APBB1: variants seen among roughly 807,000 people sequenced by gnomAD.
APBB1 encodes adaptor protein FE65a2.
A neutral mutation model predicts 78.4 loss-of-function variants in APBB1; 22 were observed. The ratio of observed to expected loss-of-function variants is 0.28; its 90% CI spans 0.20 to 0.40. The LOEUF (loss-of-function observed/expected upper bound fraction) is 0.40, where lower values mean the gene tolerates loss of function less well. APBB1 is among the 10% of genes least tolerant of loss of function. The probability of loss-of-function intolerance (pLI) is 1.00; values close to 1 mark genes in which losing one functional copy is unlikely to be tolerated. For synonymous variants in APBB1, 369 were observed against 372.7 expected, an observed-to-expected ratio of 0.99 and a Z score of 0.12; for missense variants, 749 against 932.4, an observed-to-expected ratio of 0.80 and a Z score of 2.56.
chr11:6,415,564 C>T (rs934356847), intron 1 of APBB1, among the ~76,000 whole-genome samples: 4 of 152,126 alleles, frequency 2.6e-5, no homozygotes, highest in Admixed American at 1.3e-4. Context: ...ATTACAGGAA[C>T]CTGGGGCTTA....
Position 6,401,719 on chromosome 11 carries a change from C to T in APBB1, c.1389-31G>A, listed in dbSNP as rs1848522661. On this transcript the variant is annotated intron_variant, in intron 9 of 14. Coordinates refer to ENST00000609360, the MANE Select transcript of APBB1 (RefSeq NM_001164.5). This position sits in a 1 kb window ranked among gnomAD's most constrained non-coding sequence, Gnocchi z 4.5. The stretch of plus-strand genomic sequence containing the variant: ...GGGGAAGGGGCACCTCAGTGTCTCC[C>T]AGTACCATCCAGTGCTGAGCCTGGT... 1.2e-6 allele frequency: 2 copies of T among 1,609,312 alleles called. No homozygotes were observed. Among genetic ancestry groups the T allele is most frequent in the East Asian group, 4.5e-5 (2 of 44,834 alleles).
chr11:6,399,875 C>A (rs2634194), intron 12 of APBB1, among the ~76,000 whole-genome samples: 3,721 of 152,102 alleles, frequency 0.024, 142 homozygotes, highest in African/African-American at 0.084. Flanking sequence ...CCACTGTAGA[C>A]CCTGATCTTC....
intron 1 of APBB1, among the ~76,000 whole-genome samples, chr11:6,413,698 T>C (rs1381829426): frequency 1.3e-5 from 2 of 152,018 alleles, no homozygotes; most frequent in Non-Finnish European, 2.9e-5. Context: ...CTCAAACTCC[T>C]GACCTCAGGT....
In APBB1 at chr11:6,399,022, C is replaced by T. The variant is rs982493090; in HGVS notation, c.1672+1967G>A. Among the ~76,000 whole-genome samples, 79 of 152,198 alleles carry T rather than the reference C, an allele frequency of 5.2e-4. 1 individual carries two copies. Among genetic ancestry groups the T allele is most frequent in the Admixed American group, 5.1e-3 (78 of 15,284 alleles). ...GTGTGTCTTTTGACATGATACCCTA[C>T]CACTTCTTTTTCAAGTAGCCTCTTT... is the stretch of plus-strand genomic sequence containing the variant. On this transcript the variant is annotated intron_variant, in intron 12 of 14. Transcript: ENST00000609360.
At position 6,411,383 on chromosome 11, in the gene APBB1, T is replaced by A; in HGVS notation, c.-14-22A>T. On this transcript the variant is annotated intron_variant, in intron 1 of 14. Transcript: ENST00000609360. This position sits in a 1 kb window ranked among gnomAD's most constrained non-coding sequence, Gnocchi z 5.2. Reference sequence around the variant, plus strand: ...GCTCCTGTGGGGTGCGGAGGGGAGATGCTGTTGAGCCTCTGGTCCAGAACA... The same window carrying A: ...GCTCCTGTGGGGTGCGGAGGGGAGAAGCTGTTGAGCCTCTGGTCCAGAACA... 6.6e-7 allele frequency: 1 copy of A among 1,513,684 alleles called. No homozygotes were observed. Among genetic ancestry groups the A allele is most frequent in the Non-Finnish European group, 8.8e-7 (1 of 1,132,448 alleles). The allele number at this position is 1,513,684 out of a possible 1,614,324, so 93.8% of individuals were successfully genotyped here. A position where few individuals can be genotyped will look rare whatever the true frequency, so the allele number is the denominator to read the frequency against.
chr11:6,400,537 T>A (rs944153128), intron 12 of APBB1, among the ~76,000 whole-genome samples: 1 of 60,384 alleles, frequency 1.7e-5, no homozygotes, highest in African/African-American at 5.7e-5. Flanking sequence ...GCGAGACTTG[T>A]CTTTAAAAAA....
Position 6,403,549 on chromosome 11 carries a change from G to A in APBB1, c.898-5C>T, listed in dbSNP as rs781367737. On this transcript the variant is annotated splice_region_variant and splice_polypyrimidine_tract_variant and intron_variant, in intron 3 of 14. Coordinates refer to ENST00000609360, the MANE Select transcript of APBB1 (RefSeq NM_001164.5). The surrounding 1 kb of genome is among the most constrained non-coding windows in gnomAD (Gnocchi z 5.3). ...AGCAAAACCTGTCCAGGTGAGCTAGGAGGAGGGATGGGAGTAGTGAGTGAG... is the reference window on the plus strand; with the variant it reads ...AGCAAAACCTGTCCAGGTGAGCTAGAAGGAGGGATGGGAGTAGTGAGTGAG... 14 of 1,614,198 alleles carry A rather than the reference G, an allele frequency of 8.7e-6. No individual in the cohort carries two copies. Among genetic ancestry groups the A allele is most frequent in the Non-Finnish European group, 1.1e-5 (13 of 1,180,028 alleles).
chr11:6,413,702 C>T (rs2134108153), intron 1 of APBB1, among the ~76,000 whole-genome samples: 1 of 152,042 alleles, frequency 6.6e-6, no homozygotes, highest in South Asian at 2.1e-4. Context: ...AACTCCTGAC[C>T]TCAGGTGATC....
At chr11:6,404,717 T>G (rs769593868) in intron 2 of APBB1, 327 of 1,535,536 alleles carry the variant, frequency 2.1e-4, no homozygotes, top group Admixed American at 8.0e-4. Context: ...CCACCCCACA[T>G]GAGGCCCAAC....
At position 6,395,730 on chromosome 11, in the gene APBB1, C is replaced by T. The variant is rs1220515988; in HGVS notation, c.1966-29G>A. On this transcript the variant is annotated intron_variant, in intron 14 of 14. Transcript: ENST00000609360. The surrounding 1 kb of genome is among the most constrained non-coding windows in gnomAD (Gnocchi z 5.2). ...CGGAGGCAAGCAGGGCAGTCACTCC[C>T]CAGCCTACCTCCCATGGGGCCACGC... The T allele has an allele frequency of 6.3e-6, 10 of 1,598,790 alleles. No homozygotes were observed. The highest frequency in any genetic ancestry group is 8.5e-6 in the Non-Finnish European group (10 of 1,170,654).
intron 2 of APBB1, among the ~76,000 whole-genome samples, chr11:6,406,955 G>A (rs981337635): frequency 6.6e-6 from 1 of 152,206 alleles, no homozygotes; most frequent in African/African-American, 2.4e-5. Context: ...TACATTTCCA[G>A]CATTTACGAT....
intron 1 of APBB1, among the ~76,000 whole-genome samples, chr11:6,416,820 C>A (rs1024144329): frequency 1.2e-4 from 18 of 151,884 alleles, no homozygotes; most frequent in Non-Finnish European, 1.9e-4. Context: ...CGGCTTACTG[C>A]AACCTCTGCC....
chr11:6,402,430 G>A (rs1848572888), intron 7 of APBB1, 146 bp downstream of exon 7: 5 of 1,114,256 alleles, frequency 4.5e-6, no homozygotes, highest in African/African-American at 1.6e-5. Context: ...GCCTGGGGTC[G>A]CTCATCCATC....
At position 6,413,856 on chromosome 11, in the gene APBB1, G is replaced by A. The variant is rs368546910; in HGVS notation, c.-14-2495C>T. ...TCTGTAAGATGAAAAAGGTTTCTGCGCACGTGTCTGCCTCACGTGGGGCTG... is the reference window on the plus strand; with the variant it reads ...TCTGTAAGATGAAAAAGGTTTCTGCACACGTGTCTGCCTCACGTGGGGCTG... On this transcript the variant is annotated intron_variant, in intron 1 of 14. Transcript: ENST00000609360. Among the ~76,000 whole-genome samples the A allele has an allele frequency of 4.5e-4, 68 of 152,238 alleles. No homozygotes were observed. The South Asian group carries it at 9.3e-3, about 21-fold the overall frequency.
rs763250308 is a variant in APBB1, at chr11:6,401,396, C to T, written c.1537G>A (p.Val513Ile). Residue 513 changes from valine (V) to isoleucine (I), a missense_variant, in exon 11 of 15, where the codon GTA becomes ATA. Val to Ile is a conservative substitution (Grantham distance 29, BLOSUM62 3). Coordinates refer to ENST00000609360, the MANE Select transcript of APBB1 (RefSeq NM_001164.5). The surrounding 1 kb of genome is among the most constrained non-coding windows in gnomAD (Gnocchi z 4.5). ...MAERRNARCL[V>I]NGLSLDHSKL... is the part of the protein sequence containing the mutation. ...GAGTGGTCCAGGGAGAGTCCATTTA[C>T]CAAGCAGCGGGCATTACGCCGTTCG... 1 of 1,614,110 alleles carries T rather than the reference C, an allele frequency of 6.2e-7. No homozygotes were observed. The highest frequency in any genetic ancestry group is 1.3e-5 in the African/African-American group (1 of 75,014).
chr11:6,401,679 G>C lies in APBB1; in HGVS notation c.1398C>G (p.Ala466=). Reference sequence around the variant, plus strand: ...GGGTCAGCTTATCACGAGCTACGTAGGCAAAGTCCCTGTTGGGGAAGGGGC... The same window carrying C: ...GGGTCAGCTTATCACGAGCTACGTACGCAAAGTCCCTGTTGGGGAAGGGGC... ...GRDSGRERDF[A]YVARDKLTQM... Residue 466 remains alanine (A), a synonymous_variant, in exon 10 of 15, where the codon GCC becomes GCG. Transcript: ENST00000609360. This position sits in a 1 kb window ranked among gnomAD's most constrained non-coding sequence, Gnocchi z 4.5. 9.3e-6 allele frequency: 15 copies of C among 1,614,182 alleles called. No individual in the cohort carries two copies. Among genetic ancestry groups the C allele is most frequent in the Non-Finnish European group, 1.3e-5 (15 of 1,180,030 alleles).
intron 1 of APBB1, among the ~76,000 whole-genome samples, chr11:6,415,293 G>C (rs998476964): frequency 3.3e-5 from 5 of 152,220 alleles, no homozygotes; most frequent in Non-Finnish European, 2.9e-5. Context: ...CAGACCACAG[G>C]GGTTGGGGTT....
chr11:6,416,640 T>C (rs1849123276), intron 1 of APBB1, among the ~76,000 whole-genome samples: 1 of 152,144 alleles, frequency 6.6e-6, no homozygotes, highest in Non-Finnish European at 1.5e-5. Context: ...CTATGTTCAA[T>C]CCATCTCTAG....
intron 6 of APBB1, 123 bp from the exon 7 acceptor site, chr11:6,402,848 G>T: frequency 1.6e-6 from 2 of 1,263,572 alleles, no homozygotes; most frequent in Non-Finnish European, 2.2e-6. Flanking sequence ...CCCCAAACAG[G>T]ATGTGGTTAG....
Sources: allele counts gnomAD v4.1 joint callset (sites outside exome capture counted in the v4.1 genomes callset), GRCh38; gene constraint gnomAD v4.1.1; non-coding constraint Gnocchi (gnomAD v3.1); transcripts MANE v1.5; gene names NCBI Gene and HGNC (gene_info 2026-07-23, HGNC 2026-07-21).